The following PKP4 variants were observed in gnomAD, a reference collection of about 807,000 sequenced individuals.
PKP4 encodes plakophilin-4.
Under a neutral mutation model 145.1 loss-of-function variants are expected in PKP4, and 90 were observed. The observed-to-expected ratio is 0.62, with a 90% confidence interval of 0.52 to 0.74. The LOEUF is 0.74. Ranked by LOEUF, PKP4 falls within the 30% of genes least tolerant of loss-of-function variation. The pLI, the probability that PKP4 is intolerant of heterozygous loss-of-function variation, is 0.00. For synonymous variants in PKP4, 563 were observed against 577.2 expected (o/e 0.98, Z 0.35); for missense variants, 1,340 against 1,482.7 (o/e 0.90, Z 1.58).
At chr2:158,516,057 T>TTG (rs1333759244) in intron 1 of PKP4, among the ~76,000 whole-genome samples, 2 of 151,726 alleles carry the variant, frequency 1.3e-5, no homozygotes, top group African/African-American at 4.8e-5. Flanking sequence ...TTTTTTTTTT[T>TTG]TTATACACAT....
At chr2:158,558,786 G>T (rs1411864043) in intron 2 of PKP4, among the ~76,000 whole-genome samples, 3 of 152,148 alleles carry the variant, frequency 2.0e-5, no homozygotes, top group Admixed American at 6.5e-5. Flanking sequence ...AGAGGAGAAG[G>T]TGAAGGTGTC....
intron 4 of PKP4, among the ~76,000 whole-genome samples, chr2:158,604,508 G>A (rs912803447): frequency 6.6e-6 from 1 of 152,304 alleles, no homozygotes; most frequent in Non-Finnish European, 1.5e-5. Context: ...TAGACCAATT[G>A]AAAGCTTACT....
intron 2 of PKP4, among the ~76,000 whole-genome samples, chr2:158,563,960 G>C (rs1313339153): frequency 2.0e-5 from 3 of 152,260 alleles, no homozygotes; most frequent in African/African-American, 7.2e-5. Context: ...TCGAGGAATT[G>C]ACAGTTTCCT....
intron 2 of PKP4, among the ~76,000 whole-genome samples, chr2:158,544,788 T>C (rs539613481): frequency 7.2e-5 from 11 of 152,294 alleles, no homozygotes; most frequent in African/African-American, 2.4e-4. Flanking sequence ...ATGTTCCTCA[T>C]CTGTTGGAGC....
In PKP4 at chr2:158,624,891, A is replaced by G. The variant is rs199505317; in HGVS notation, c.617A>G (p.Asn206Ser). 55 of 1,588,174 alleles carry G rather than the reference A, an allele frequency of 3.5e-5. No individual in the cohort carries two copies. The East Asian group carries it at 6.5e-4, about 19-fold the overall frequency. ...CCCTTTCATCAGCCATCAGTAGCCA[A>G]TCGGGCCATGAGAAGAGTTAGTTCA... is the stretch of plus-strand genomic sequence containing the variant. ...GQTLVQPSVANRAMRRVSSVP... is the reference protein window; with the variant it reads ...GQTLVQPSVASRAMRRVSSVP... Residue 206 changes from asparagine (N) to serine (S), a missense_variant, in exon 7 of 22, where the codon AAT becomes AGT. Asn to Ser is a conservative substitution (Grantham distance 46). Transcript: ENST00000389759.
At chr2:158,618,242 A>C (rs2051837703) in intron 4 of PKP4, among the ~76,000 whole-genome samples, 1 of 152,218 alleles carries the variant, frequency 6.6e-6, no homozygotes, top group South Asian at 2.1e-4. Flanking sequence ...ACTAAAGTTC[A>C]TATTAAATAA....
At chr2:158,513,306 C>T (rs759505961) in intron 1 of PKP4, among the ~76,000 whole-genome samples, 4 of 151,968 alleles carry the variant, frequency 2.6e-5, no homozygotes, top group African/African-American at 7.3e-5. Flanking sequence ...GCCTTGTTTC[C>T]TTTCTCTTGA....
intron 12 of PKP4, chr2:158,660,414 C>T (rs1425656410): frequency 6.6e-6 from 1 of 152,626 alleles, no homozygotes; most frequent in African/African-American, 2.4e-5. Context: ...TGGAGGTGCC[C>T]ATGGGCAGAT....
At chr2:158,554,735 C>G (rs1380476806) in intron 2 of PKP4, among the ~76,000 whole-genome samples, 1 of 152,098 alleles carries the variant, frequency 6.6e-6, no homozygotes, top group Non-Finnish European at 1.5e-5. Flanking sequence ...AGAAATGATT[C>G]TTCATCAAAA....
At chr2:158,465,209 G>C (rs892787345) in intron 1 of PKP4, among the ~76,000 whole-genome samples, 3 of 152,188 alleles carry the variant, frequency 2.0e-5, no homozygotes, top group Non-Finnish European at 2.9e-5. Context: ...TGTTTCATAA[G>C]TATTAAGGAT....
At chr2:158,490,908 C>T (rs1694841270) in intron 1 of PKP4, among the ~76,000 whole-genome samples, 1 of 152,164 alleles carries the variant, frequency 6.6e-6, no homozygotes, top group Admixed American at 6.5e-5. Flanking sequence ...ATTTCTTTAT[C>T]CCCATCTTCT....
chr2:158,608,349 G>A (rs1012528241), intron 4 of PKP4, among the ~76,000 whole-genome samples: 2 of 152,048 alleles, frequency 1.3e-5, no homozygotes, highest in African/African-American at 4.8e-5. Flanking sequence ...GTACACAAAT[G>A]TATTAAATGA....
chr2:158,631,836 C>T lies in PKP4; in HGVS notation c.1237C>T (p.Pro413Ser). The change falls in exon 8 of 22, where the codon CCT becomes TCT. Residue 413 changes from proline (P) to serine (S), a missense_variant. By Grantham distance (74) the Pro-to-Ser change is moderately conservative. Coordinates refer to ENST00000389759, the MANE Select transcript of PKP4 (RefSeq NM_003628.6). ...CGTGTCTCCCGACTTGCACATTACTCCTATATATGAGGGGAGGACCTATTA... is the reference window on the plus strand; with the variant it reads ...CGTGTCTCCCGACTTGCACATTACTTCTATATATGAGGGGAGGACCTATTA... ...SAVSPDLHIT[P>S]IYEGRTYYSP... 6.2e-7 allele frequency: 1 copy of T among 1,614,050 alleles called. No homozygotes were observed. Among genetic ancestry groups the T allele is most frequent in the South Asian group, 1.1e-5 (1 of 91,072 alleles).
chr2:158,537,577 T>A (rs995855869), intron 2 of PKP4, among the ~76,000 whole-genome samples: 5 of 152,254 alleles, frequency 3.3e-5, no homozygotes, highest in African/African-American at 1.2e-4. Context: ...GATCATCCTT[T>A]AGCAGATTCT....
intron 4 of PKP4, among the ~76,000 whole-genome samples, chr2:158,617,220 G>C (rs888626123): frequency 3.3e-5 from 5 of 152,058 alleles, no homozygotes; most frequent in African/African-American, 4.8e-5. Context: ...CTTGAAGCTT[G>C]TTCAATTTCT....
intron 2 of PKP4, among the ~76,000 whole-genome samples, chr2:158,538,168 A>G (rs2044220700): frequency 6.6e-6 from 1 of 152,240 alleles, no homozygotes; most frequent in South Asian, 2.1e-4. Flanking sequence ...CTGCTTATCC[A>G]GAGCCTTGCT....
intron 1 of PKP4, among the ~76,000 whole-genome samples, chr2:158,499,199 A>C (rs563957858): frequency 6.6e-6 from 1 of 152,280 alleles, no homozygotes; most frequent in African/African-American, 2.4e-5. Flanking sequence ...TAAATACATA[A>C]GATAAAATGA....
intron 1 of PKP4, among the ~76,000 whole-genome samples, chr2:158,498,402 C>T (rs1392132768): frequency 6.6e-6 from 1 of 152,204 alleles, no homozygotes; most frequent in Non-Finnish European, 1.5e-5. Context: ...ACTACATTCT[C>T]ATGATGGATT....
intron 2 of PKP4, among the ~76,000 whole-genome samples, chr2:158,576,257 TATA>T (rs1209288062): frequency 6.6e-6 from 1 of 152,252 alleles, no homozygotes; most frequent in Non-Finnish European, 1.5e-5. Context: ...AATGTATACA[TATA>T]ATCATAAATA....
Sources: allele counts gnomAD v4.1 joint callset (sites outside exome capture counted in the v4.1 genomes callset), GRCh38; gene constraint gnomAD v4.1.1; transcripts MANE v1.5; gene names NCBI Gene and HGNC (gene_info 2026-07-23, HGNC 2026-07-21).